SLC41A2: variants seen among roughly 807,000 people sequenced by gnomAD.
SLC41A2 encodes solute carrier family 41 member 2, also known as SLC41A1-like 1.
In SLC41A2, 32 loss-of-function variants were observed where a neutral mutation model predicts 58.3. The observed-to-expected ratio is 0.55, with a 90% CI of 0.41 to 0.74. The LOEUF (loss-of-function observed/expected upper bound fraction) is 0.74, where lower values mean the gene tolerates loss of function less well. Ranked by LOEUF, SLC41A2 falls within the 30% of genes least tolerant of loss-of-function variation. The pLI, the probability that SLC41A2 is intolerant of heterozygous loss-of-function variation, is 0.00. For synonymous variants in SLC41A2, 190 were observed against 235.0 expected (o/e 0.81, Z 1.75); for missense variants, 514 against 680.6 (o/e 0.76, Z 2.72).
At chr12:104,852,064 A>C (rs2042821373) in intron 8 of SLC41A2, 1 of 152,278 alleles carries the variant, frequency 6.6e-6, no homozygotes, top group African/African-American at 2.4e-5. Context: ...AAGCGGCAAG[A>C]GTATTTAACT....
intron 2 of SLC41A2, among the ~76,000 whole-genome samples, chr12:104,913,963 G>A (rs562075437): frequency 1.2e-4 from 19 of 152,252 alleles, no homozygotes; most frequent in East Asian, 5.8e-4. Flanking sequence ...TTAGGAGGCC[G>A]AGGCAGGAGA....
In SLC41A2 at chr12:104,892,307, A is replaced by AAAT. The variant is rs1555209818; in HGVS notation, c.735+2966_735+2967insATT. On this transcript the variant is annotated intron_variant, in intron 4 of 10. Coordinates refer to ENST00000258538, the MANE Select transcript of SLC41A2 (RefSeq NM_001352171.3). ...CAAGACCTCATCTCAAAAAAAAAAT[A>AAAT]AAATAAAATAAAATAAAATAAAATA... Among the ~76,000 whole-genome samples the AAAT allele has an allele frequency of 1.3e-3, 150 of 119,406 alleles. 5 individuals carry two copies. The East Asian group carries it at 0.033, about 26-fold the overall frequency. The allele number at this position is 119,406 out of a possible 152,430, so 78.3% of individuals were successfully genotyped here.
At chr12:104,864,076 C>A (rs968577850) in intron 7 of SLC41A2, among the ~76,000 whole-genome samples, 7 of 152,032 alleles carry the variant, frequency 4.6e-5, no homozygotes, top group Non-Finnish European at 7.4e-5. Context: ...TCCAATACCC[C>A]CTTGGATCCT....
chr12:104,853,916 T>TATTTA (rs1565842647), intron 8 of SLC41A2, among the ~76,000 whole-genome samples: 2 of 110,766 alleles, frequency 1.8e-5, no homozygotes, highest in Non-Finnish European at 3.9e-5. Flanking sequence ...GGCTGATTTT[T>TATTTA]TTTTTTTTTT....
Position 104,945,499 on chromosome 12 carries a change from C to CA in SLC41A2, c.-168+12588dup, listed in dbSNP as rs1032982908. 4.4e-4 allele frequency among the ~76,000 whole-genome samples: 63 copies of CA among 143,018 alleles called. 2 individuals carry two copies. The highest frequency in any genetic ancestry group is 3.5e-4 in the Admixed American group (5 of 14,204). The allele number at this position is 143,018 out of a possible 152,430, so 93.8% of individuals were successfully genotyped here. ...TGGGTGACAGAGCGAGACTCCGCCT[C>CA]AAAAAAAAAGAAAAAAAGAAAAGAA... On this transcript the variant is annotated intron_variant, in intron 1 of 10. Coordinates refer to ENST00000258538, the MANE Select transcript of SLC41A2 (RefSeq NM_001352171.3).
intron 2 of SLC41A2, among the ~76,000 whole-genome samples, chr12:104,916,470 C>T (rs1397626429): frequency 6.6e-6 from 1 of 152,112 alleles, no homozygotes; most frequent in East Asian, 1.9e-4. Flanking sequence ...TTGGAAAAAA[C>T]TACTTTAAAG....
intron 2 of SLC41A2, among the ~76,000 whole-genome samples, chr12:104,918,295 A>C (rs2046424039): frequency 6.6e-6 from 1 of 152,006 alleles, no homozygotes; most frequent in Admixed American, 6.6e-5. Context: ...TAGGAATCTG[A>C]CCTATAAACA....
At chr12:104,928,811 G>C (rs1359567929) in intron 1 of SLC41A2, 117 bp from the exon 2 acceptor site, 2 of 232,548 alleles carry the variant, frequency 8.6e-6, no homozygotes, top group Non-Finnish European at 1.7e-5. Flanking sequence ...CAACCCTACG[G>C]TACTGATACT....
intron 10 of SLC41A2, among the ~76,000 whole-genome samples, chr12:104,826,506 C>T (rs2041851154): frequency 6.6e-6 from 1 of 152,148 alleles, no homozygotes; most frequent in Non-Finnish European, 1.5e-5. Context: ...GTCCCAGAGG[C>T]ACCCCCAGCA....
chr12:104,833,349 T>G (rs1232263314), intron 10 of SLC41A2, among the ~76,000 whole-genome samples: 1 of 152,224 alleles, frequency 6.6e-6, no homozygotes, highest in Admixed American at 6.5e-5. Context: ...ACAATGGTCA[T>G]ACCCAAGTAA....
chr12:104,939,748 TAAAAGA>T (rs145321513), intron 1 of SLC41A2, among the ~76,000 whole-genome samples: 5,819 of 152,192 alleles, frequency 0.038, 151 homozygotes, highest in East Asian at 0.1. Context: ...CCCACAACAA[TAAAAGA>T]AAAAGTTTTA....
At chr12:104,909,134 A>G (rs1001518421) in intron 3 of SLC41A2, among the ~76,000 whole-genome samples, 1 of 152,228 alleles carries the variant, frequency 6.6e-6, no homozygotes, top group Non-Finnish European at 1.5e-5. Context: ...GTTCTTTTTT[A>G]GAATACACAG....
At chr12:104,915,436 T>C (rs2046271154) in intron 2 of SLC41A2, among the ~76,000 whole-genome samples, 1 of 152,250 alleles carries the variant, frequency 6.6e-6, no homozygotes, top group South Asian at 2.1e-4. Context: ...TATCCTCTTT[T>C]TATTTCATTG....
At chr12:104,950,385 T>C (rs766372530) in intron 1 of SLC41A2, among the ~76,000 whole-genome samples, 5 of 152,150 alleles carry the variant, frequency 3.3e-5, no homozygotes, top group African/African-American at 4.8e-5. Context: ...CTCCTCACAC[T>C]TCTCTCTCTC....
chr12:104,864,720 A>G (rs1298935438), intron 7 of SLC41A2, among the ~76,000 whole-genome samples: 1 of 152,058 alleles, frequency 6.6e-6, no homozygotes, highest in Non-Finnish European at 1.5e-5. Context: ...ACTCTTCTAC[A>G]TAATTTATTT....
intron 2 of SLC41A2, 146 bp downstream of exon 2, chr12:104,927,823 TTCTC>T: frequency 1.6e-6 from 1 of 643,140 alleles, no homozygotes; most frequent in Non-Finnish European, 2.3e-6. Flanking sequence ...TAGAAATAGA[TTCTC>T]TCCCAGAGTC....
chr12:104,948,504 T>C (rs151237180), intron 1 of SLC41A2, among the ~76,000 whole-genome samples: 1 of 152,302 alleles, frequency 6.6e-6, no homozygotes, highest in Non-Finnish European at 1.5e-5. Flanking sequence ...TTTTATCTTT[T>C]GTAAAAAAAA....
At chr12:104,876,123 C>T (rs2044029632) in intron 6 of SLC41A2, among the ~76,000 whole-genome samples, 1 of 151,938 alleles carries the variant, frequency 6.6e-6, no homozygotes, top group Non-Finnish European at 1.5e-5. Flanking sequence ...CTGAGGTCTC[C>T]ACTTTTATTT....
chr12:104,946,522 C>T (rs2047723971), intron 1 of SLC41A2, among the ~76,000 whole-genome samples: 1 of 152,204 alleles, frequency 6.6e-6, no homozygotes, highest in African/African-American at 2.4e-5. Flanking sequence ...TATCTTCCCA[C>T]CTTGGGCTCC....
Sources: gnomAD v4.1 joint callset for allele counts (sites outside exome capture counted in the v4.1 genomes callset) on GRCh38, gnomAD v4.1.1 for gene constraint, MANE v1.5 for transcripts, NCBI Gene and HGNC (gene_info 2026-07-23, HGNC 2026-07-21) for gene names.